Variants in MAD1L1 observed in about 807,000 individuals in gnomAD.
MAD1L1 encodes mitotic arrest deficient 1 like 1.
A neutral mutation model predicts 96.9 loss-of-function variants in MAD1L1; 95 were observed. The ratio of observed to expected loss-of-function variants is 0.98; its 90% CI spans 0.83 to 1.16. The LOEUF is 1.16. MAD1L1 is among the 50% of genes most tolerant of loss of function. The pLI is 0.00. For synonymous variants in MAD1L1, 473 were observed against 396.6 expected (o/e 1.19, Z -2.29); for missense variants, 1,007 against 954.4 (o/e 1.06, Z -0.73).
intron 11 of MAD1L1, among the ~76,000 whole-genome samples, chr7:2,096,231 G>A (rs1407633079): frequency 2.6e-5 from 4 of 152,226 alleles, no homozygotes; most frequent in East Asian, 1.9e-4. Flanking sequence ...CCACAAGGTC[G>A]TCCTCGTCGG....
At chr7:2,229,717 G>A (rs546113322) in intron 3 of MAD1L1, among the ~76,000 whole-genome samples, 7 of 152,268 alleles carry the variant, frequency 4.6e-5, no homozygotes, top group Non-Finnish European at 1.0e-4. Context: ...GGGTCTGTGA[G>A]TGCACTTGTG....
intron 10 of MAD1L1, among the ~76,000 whole-genome samples, chr7:2,150,462 A>G (rs1438292355): frequency 2.6e-5 from 4 of 151,968 alleles, no homozygotes; most frequent in Admixed American, 2.6e-4. Flanking sequence ...CGAAACCCTC[A>G]TCAGCTCATC....
chr7:2,127,659 C>G (rs1474148400), intron 11 of MAD1L1, among the ~76,000 whole-genome samples: 1 of 152,042 alleles, frequency 6.6e-6, no homozygotes, highest in East Asian at 1.9e-4. Flanking sequence ...CAGAGAGGAG[C>G]GGACCCACAG....
At chr7:2,097,418 G>A (rs956508078) in intron 11 of MAD1L1, among the ~76,000 whole-genome samples, 1 of 152,158 alleles carries the variant, frequency 6.6e-6, no homozygotes, top group African/African-American at 2.4e-5. Context: ...GGGACACCTG[G>A]GGAGGGGGTC....
At chr7:1,905,738 T>G (rs865928827) in intron 17 of MAD1L1, among the ~76,000 whole-genome samples, 1 of 152,172 alleles carries the variant, frequency 6.6e-6, no homozygotes, top group South Asian at 2.1e-4. Flanking sequence ...CCCCCATCTG[T>G]GTCCTGGGAT....
intron 10 of MAD1L1, among the ~76,000 whole-genome samples, chr7:2,204,251 A>C (rs1027052001): frequency 6.6e-6 from 1 of 152,176 alleles, no homozygotes; most frequent in African/African-American, 2.4e-5. Flanking sequence ...TCTCCAATTC[A>C]GTCCAAGTCG....
intron 12 of MAD1L1, among the ~76,000 whole-genome samples, chr7:2,061,935 G>A (rs1304253494): frequency 3.9e-5 from 6 of 152,176 alleles, no homozygotes; most frequent in Admixed American, 6.5e-5. Context: ...ATTCCAATAT[G>A]TGACGCTTAA....
At chr7:2,208,733 C>G (rs1053005392) in intron 10 of MAD1L1, among the ~76,000 whole-genome samples, 1 of 152,156 alleles carries the variant, frequency 6.6e-6, no homozygotes, top group Non-Finnish European at 1.5e-5. Context: ...TCCAGCCTCA[C>G]GCCATCTTTC....
chr7:2,194,012 C>T (rs1038128161), intron 10 of MAD1L1, among the ~76,000 whole-genome samples: 3 of 132,662 alleles, frequency 2.3e-5, no homozygotes, highest in Non-Finnish European at 4.6e-5. Flanking sequence ...GGCATGATCT[C>T]GGCTCACTGC....
Position 2,215,978 on chromosome 7 carries a change from C to G in MAD1L1, c.831G>C (p.Gly277=). ...GCCCTTCCAGCTCTTCCTGGAGCAG[C>G]CCGTTGGTCTCTCTCATCTCCCTGG... ...AHLREMRETN[G]LLQEELEGLQ... Residue 277 remains glycine, a synonymous_variant, in exon 9 of 19, where the codon GGG becomes GGC. Transcript: ENST00000265854. 6.2e-7 allele frequency: 1 copy of G among 1,614,186 alleles called. No homozygotes were observed. Among genetic ancestry groups the G allele is most frequent in the Non-Finnish European group, 8.5e-7 (1 of 1,180,046 alleles).
chr7:1,824,357 T>G (rs370359635), intron 18 of MAD1L1, among the ~76,000 whole-genome samples: 1 of 51,618 alleles, frequency 1.9e-5, no homozygotes, highest in Non-Finnish European at 5.0e-5. Context: ...ACACCTCTCT[T>G]GAGCCTGGTC....
intron 17 of MAD1L1, among the ~76,000 whole-genome samples, chr7:1,919,684 T>G (rs2128455719): frequency 6.6e-6 from 1 of 152,280 alleles, no homozygotes; most frequent in East Asian, 1.9e-4. Flanking sequence ...CCCTCCACAA[T>G]GACCGTGATT....
chr7:1,849,257 CCCT>C (rs1783830831), intron 18 of MAD1L1: 1 of 152,228 alleles, frequency 6.6e-6, no homozygotes, highest in African/African-American at 2.4e-5. Context: ...TGTGGGAGGC[CCCT>C]CATCCATGTC....
At chr7:2,140,319 A>G (rs1788966065) in intron 11 of MAD1L1, among the ~76,000 whole-genome samples, 2 of 152,198 alleles carry the variant, frequency 1.3e-5, no homozygotes, top group Admixed American at 6.5e-5. Context: ...TCCGCCCTGC[A>G]CATGTTCTTA....
chr7:1,817,700 G>A (rs543601038), intron 18 of MAD1L1, among the ~76,000 whole-genome samples: 1 of 152,302 alleles, frequency 6.6e-6, no homozygotes, highest in East Asian at 1.9e-4. Flanking sequence ...AGACGTGAGG[G>A]TGAGCTGCAT....
At chr7:1,976,437 A>T (rs1453864957) in intron 15 of MAD1L1, among the ~76,000 whole-genome samples, 1 of 152,044 alleles carries the variant, frequency 6.6e-6, no homozygotes, top group Non-Finnish European at 1.5e-5. Context: ...GCACGTCTGG[A>T]GTTGTTCGTT....
At chr7:2,184,180 A>T (rs1791347706) in intron 10 of MAD1L1, among the ~76,000 whole-genome samples, 1 of 152,090 alleles carries the variant, frequency 6.6e-6, no homozygotes. Context: ...TGAATCCGGG[A>T]GGCGGAGCTT....
rs575395151 is a variant in MAD1L1 at position 1,851,390 on chromosome 7, G to A, written c.1999-35162C>T. ...GGGACTCGAGGTCACGGGAAACCCC[G>A]ACAGGGAGGCCGTGCTGGGACAGCT... On this transcript the variant is annotated intron_variant, in intron 18 of 18. Coordinates refer to ENST00000265854, the MANE Select transcript of MAD1L1 (RefSeq NM_001013836.2). 2.0e-3 allele frequency among the ~76,000 whole-genome samples: 298 copies of A among 152,322 alleles called. 1 individual carries two copies. Among genetic ancestry groups the A allele is most frequent in the Non-Finnish European group, 3.6e-3 (244 of 68,020 alleles).
chr7:2,024,590 G>A (rs1022434750), intron 12 of MAD1L1, among the ~76,000 whole-genome samples: 5 of 152,214 alleles, frequency 3.3e-5, no homozygotes, highest in Non-Finnish European at 5.9e-5. Flanking sequence ...TCACAAGGAA[G>A]CTGCTGCCCC....
Sources: gnomAD v4.1 joint callset for allele counts (sites outside exome capture counted in the v4.1 genomes callset) on GRCh38, gnomAD v4.1.1 for gene constraint, MANE v1.5 for transcripts, NCBI Gene and HGNC (gene_info 2026-07-23, HGNC 2026-07-21) for gene names.